The following DDX24 variants were observed in gnomAD, a reference collection of about 807,000 sequenced individuals.
The protein encoded by DDX24 is DEAD-box helicase 24, also known as ATP-dependent RNA helicase DDX24.
DDX24 carries 24 observed loss-of-function variants against 68.9 expected under a neutral mutation model. That is an observed-to-expected ratio of 0.35 (90% CI 0.25 to 0.49). The LOEUF (loss-of-function observed/expected upper bound fraction) is 0.49. DDX24 is among the 20% of genes least tolerant of loss of function. DDX24 has a pLI of 0.99. For synonymous variants in DDX24, 395 were observed against 385.2 expected (o/e 1.03, Z -0.30); for missense variants, 989 against 1,039.0 (o/e 0.95, Z 0.66).
intron 2 of DDX24, among the ~76,000 whole-genome samples, chr14:94,075,590 A>C (rs1449209007): frequency 6.6e-6 from 1 of 152,230 alleles, no homozygotes; most frequent in Admixed American, 6.5e-5. Context: ...ATCTTGAATT[A>C]GGCAAAAGGT....
chr14:94,077,622 C>T (rs1885970601), intron 2 of DDX24, among the ~76,000 whole-genome samples: 1 of 152,192 alleles, frequency 6.6e-6, no homozygotes, highest in Non-Finnish European at 1.5e-5. Context: ...ATTTCATCAA[C>T]ATAAAGCACT....
At chr14:94,058,928 A>G (rs1279185372) in intron 5 of DDX24, among the ~76,000 whole-genome samples, 1 of 152,192 alleles carries the variant, frequency 6.6e-6, no homozygotes, top group Non-Finnish European at 1.5e-5. Flanking sequence ...GTGTTCCAGT[A>G]AAACGTCTAC....
At position 94,051,099 on chromosome 14, in the gene DDX24, G is replaced by A. The variant is rs375942250; in HGVS notation, c.*92C>T. Reference sequence around the variant, plus strand: ...AGAGAGGGAGACTTTTTTACCTGGGGTTGGTGGTGGAGTGAAACACAAGGG... The same window carrying A: ...AGAGAGGGAGACTTTTTTACCTGGGATTGGTGGTGGAGTGAAACACAAGGG... On this transcript the variant is annotated 3_prime_UTR_variant, in exon 9 of 9. Transcript: ENST00000621632. The A allele has an allele frequency of 7.0e-6, 10 of 1,436,222 alleles. No individual in the cohort carries two copies. The highest frequency in any genetic ancestry group is 5.8e-5 in the African/African-American group (4 of 69,484). 89.0% of individuals were successfully genotyped at this position (1,436,222 alleles called of 1,614,324 possible). A position where few individuals can be genotyped will look rare whatever the true frequency, so the allele number is the denominator to read the frequency against.
rs748447688 is a variant in DDX24, at chr14:94,055,076, T to TA, written c.2097dup (p.Lys700Ter). 1 of 1,614,214 alleles carries TA rather than the reference T, an allele frequency of 6.2e-7. No homozygotes were observed. Among genetic ancestry groups the TA allele is most frequent in the Admixed American group, 1.7e-5 (1 of 60,034 alleles). On this transcript the variant is annotated frameshift_variant, in exon 7 of 9. Transcript: ENST00000621632. LOFTEE classifies it high-confidence loss of function. ...TTCTTGAGCGTTTTGTAAATCTTCT[T>TA]AAAGTTGATCACATCCTCAGGCCCA...
intron 2 of DDX24, among the ~76,000 whole-genome samples, chr14:94,071,643 T>C (rs1209504355): frequency 6.7e-6 from 1 of 148,986 alleles, no homozygotes; most frequent in African/African-American, 2.5e-5. Context: ...GAGTGAGCCT[T>C]TGACTTAAAA....
At chr14:94,078,021 G>A (rs537378701) in intron 2 of DDX24, among the ~76,000 whole-genome samples, 3 of 149,588 alleles carry the variant, frequency 2.0e-5, no homozygotes, top group African/African-American at 5.0e-5. Flanking sequence ...GACAATATTC[G>A]GGGGGGTAAA....
chr14:94,055,197 G>A lies in DDX24; in HGVS notation c.1990-13C>T. ...AGGTACGTGGGACCTGCCACAGGAAGAACTGGGAGATCAATACATGGCCAC... is the reference window on the plus strand; with the variant it reads ...AGGTACGTGGGACCTGCCACAGGAAAAACTGGGAGATCAATACATGGCCAC... On this transcript the variant is annotated splice_polypyrimidine_tract_variant and intron_variant, in intron 6 of 8. Coordinates refer to ENST00000621632, the MANE Select transcript of DDX24 (RefSeq NM_020414.4). The A allele has an allele frequency of 6.2e-7, 1 of 1,609,696 alleles. No homozygotes were observed. The highest frequency in any genetic ancestry group is 8.5e-7 in the Non-Finnish European group (1 of 1,177,050).
At chr14:94,069,329 C>A (rs1885781333) in intron 2 of DDX24, among the ~76,000 whole-genome samples, 1 of 152,024 alleles carries the variant, frequency 6.6e-6, no homozygotes, top group Non-Finnish European at 1.5e-5. Flanking sequence ...ATGAGATACC[C>A]TGAACAGACC....
intron 6 of DDX24, chr14:94,055,928 T>G (rs577577388): frequency 6.6e-6 from 1 of 152,370 alleles, no homozygotes; most frequent in East Asian, 1.9e-4. Flanking sequence ...CACCCTTAAA[T>G]GCCAGGCATG....
At chr14:94,075,371 T>C (rs1174858913) in intron 2 of DDX24, among the ~76,000 whole-genome samples, 1 of 152,196 alleles carries the variant, frequency 6.6e-6, no homozygotes, top group Non-Finnish European at 1.5e-5. Context: ...TCACAGACTT[T>C]CAACAAAGAT....
rs112789750 is a variant in DDX24, at chr14:94,080,872, C to G, written c.-6+247G>C. On this transcript the variant is annotated intron_variant, in intron 1 of 8. Coordinates refer to ENST00000621632, the MANE Select transcript of DDX24 (RefSeq NM_020414.4). ...CGGCCCTCTCGCTTTGTCTCAGGCACGAACGCGCGCACGAAACCGAGAAAC... is the reference window on the plus strand; with the variant it reads ...CGGCCCTCTCGCTTTGTCTCAGGCAGGAACGCGCGCACGAAACCGAGAAAC... Among the ~76,000 whole-genome samples, 1,458 of 152,284 alleles carry G rather than the reference C, an allele frequency of 9.6e-3. 30 individuals are homozygous for G. The highest frequency in any genetic ancestry group is 0.032 in the African/African-American group (1,346 of 41,564).
intron 2 of DDX24, among the ~76,000 whole-genome samples, chr14:94,071,618 C>G (rs1885831146): frequency 6.6e-6 from 1 of 151,866 alleles, no homozygotes; most frequent in Non-Finnish European, 1.5e-5. Flanking sequence ...CCACTGCACC[C>G]CAGCCTGGGC....
chr14:94,073,048 A>T (rs10134659), intron 2 of DDX24, among the ~76,000 whole-genome samples: 18,893 of 151,506 alleles, frequency 0.12, 1,544 homozygotes, highest in African/African-American at 0.23. Flanking sequence ...ATAATCATTA[A>T]ACGTAAATAA....
At chr14:94,062,656 G>C in intron 2 of DDX24, 35 bp from the exon 3 acceptor site, 1 of 1,555,294 alleles carries the variant, frequency 6.4e-7, no homozygotes, top group Non-Finnish European at 8.7e-7. Context: ...AGTAAAAACA[G>C]TGTGAATCAA....
At chr14:94,052,314 C>T (rs1007359646) in intron 8 of DDX24, among the ~76,000 whole-genome samples, 4 of 152,192 alleles carry the variant, frequency 2.6e-5, no homozygotes, top group Admixed American at 2.0e-4. Flanking sequence ...CCTGTGGTCA[C>T]ATATAGAGTA....
At position 94,060,501 on chromosome 14, in the gene DDX24, G is replaced by A; in HGVS notation, c.1510C>T (p.Leu504Phe). 1 of 1,614,126 alleles carries A rather than the reference G, an allele frequency of 6.2e-7. No homozygotes were observed. Among genetic ancestry groups the A allele is most frequent in the South Asian group, 1.1e-5 (1 of 91,076 alleles). Residue 504 changes from leucine (L) to phenylalanine (F), a missense_variant, in exon 5 of 9, where the codon CTT becomes TTT. Physicochemically the swap from Leu to Phe is conservative, Grantham distance 22. Around this residue, in one of 3 missense-constraint regions of DDX24, gnomAD observed 691 missense variants for 760.0 expected, o/e 0.91. Transcript: ENST00000621632. ...DSQYNPKRQT[L>F]VFSATLTLVH... ...AGGGTGAGTGTGGCAGAAAAAACAA[G>A]CGTTTGTCTCTTTGGGTTGTATTGG...
intron 2 of DDX24, among the ~76,000 whole-genome samples, chr14:94,075,615 C>T (rs1181127413): frequency 6.6e-6 from 1 of 152,186 alleles, no homozygotes; most frequent in East Asian, 1.9e-4. Context: ...AGATAAAACA[C>T]CAACGGCACC....
At chr14:94,057,776 C>G (rs1885517171) in intron 6 of DDX24, 46 bp downstream of exon 6, 1 of 1,579,736 alleles carries the variant, frequency 6.3e-7, no homozygotes, top group South Asian at 1.1e-5. Flanking sequence ...TTAAAAATTC[C>G]CCATTCAGTG....
intron 6 of DDX24, chr14:94,055,993 T>C (rs1033953641): frequency 1.3e-5 from 2 of 152,230 alleles, no homozygotes; most frequent in African/African-American, 4.8e-5. Flanking sequence ...TCTCTTCCAT[T>C]GTATTTTGTA....
Sources: allele counts gnomAD v4.1 joint callset (sites outside exome capture counted in the v4.1 genomes callset), GRCh38; gene constraint gnomAD v4.1.1; regional missense constraint gnomAD v4.1.1; transcripts MANE v1.5; gene names NCBI Gene and HGNC (gene_info 2026-07-23, HGNC 2026-07-21).